The following CAMTA1 variants were observed in gnomAD, a reference collection of about 807,000 sequenced individuals.
CAMTA1 encodes the protein calmodulin-binding transcription activator 1.
A neutral mutation model predicts 170.9 loss-of-function variants in CAMTA1; 27 were observed. The observed-to-expected ratio is 0.16, with a 90% CI of 0.12 to 0.22. The LOEUF (loss-of-function observed/expected upper bound fraction) is 0.22, where lower values mean the gene tolerates loss of function less well. Ranked by LOEUF, CAMTA1 falls within the 10% of genes least tolerant of loss-of-function variation. The pLI, the probability that CAMTA1 is intolerant of heterozygous loss-of-function variation, is 1.00. For synonymous variants in CAMTA1, 833 were observed against 891.5 expected, an observed-to-expected ratio of 0.93 and a Z score of 1.17; for missense variants, 1,619 against 2,217.2, an observed-to-expected ratio of 0.73 and a Z score of 5.42.
At chr1:6,908,613 C>T (rs1316479181) in intron 3 of CAMTA1, among the ~76,000 whole-genome samples, 1 of 152,204 alleles carries the variant, frequency 6.6e-6, no homozygotes, top group East Asian at 1.9e-4. Context: ...GGATTATAGT[C>T]CTCGTTCCTT....
intron 4 of CAMTA1, among the ~76,000 whole-genome samples, chr1:7,179,147 C>T (rs1651569118): frequency 6.6e-6 from 1 of 152,222 alleles, no homozygotes; most frequent in Non-Finnish European, 1.5e-5. Flanking sequence ...TGGGTTCTGC[C>T]TTGCCCACAG....
At chr1:7,536,339 G>A (rs182680366) in intron 6 of CAMTA1, among the ~76,000 whole-genome samples, 1 of 152,322 alleles carries the variant, frequency 6.6e-6, no homozygotes, top group Admixed American at 6.5e-5. Flanking sequence ...CAGGGTGAGC[G>A]GCAGGGAGGG....
chr1:7,270,950 G>C (rs1330296964), intron 5 of CAMTA1, among the ~76,000 whole-genome samples: 1 of 152,172 alleles, frequency 6.6e-6, no homozygotes, highest in Non-Finnish European at 1.5e-5. Context: ...GAAGAACACA[G>C]ATCTTAAACA....
chr1:7,057,194 G>C lies in CAMTA1; in HGVS notation c.235-34110G>C, dbSNP rs151080931. On this transcript the variant is annotated intron_variant, in intron 3 of 22. Transcript: ENST00000303635. ...CCAAGGTCCTTTTGGGAATTCACCT[G>C]TTTGGAAGATGAATCCTATCTCCAG... Among the ~76,000 whole-genome samples the C allele has an allele frequency of 6.7e-4, 102 of 152,280 alleles. 1 individual carries two copies. The highest frequency in any genetic ancestry group is 2.6e-3 in the Admixed American group (40 of 15,300).
intron 5 of CAMTA1, among the ~76,000 whole-genome samples, chr1:7,406,807 G>A (rs2090329902): frequency 6.6e-6 from 1 of 152,042 alleles, no homozygotes; most frequent in African/African-American, 2.4e-5. Context: ...TGCCCCCACA[G>A]CCCCCCTCCC....
At chr1:7,238,275 C>T (rs1408945348) in intron 4 of CAMTA1, among the ~76,000 whole-genome samples, 8 of 151,784 alleles carry the variant, frequency 5.3e-5, no homozygotes, top group East Asian at 1.9e-4. Context: ...GGATGAGACT[C>T]GGTGGTTTAG....
intron 5 of CAMTA1, among the ~76,000 whole-genome samples, chr1:7,396,288 C>T (rs757266566): frequency 1.3e-5 from 2 of 152,220 alleles, no homozygotes; most frequent in African/African-American, 4.8e-5. Context: ...TCCTCTTCCA[C>T]CATGAGTGGA....
intron 4 of CAMTA1, among the ~76,000 whole-genome samples, chr1:7,225,996 G>C (rs181082535): frequency 9.8e-4 from 149 of 152,302 alleles, no homozygotes; most frequent in African/African-American, 3.5e-3. Context: ...ATGGCCTGGC[G>C]TGTTCAGCCC....
rs768706210 is a variant in CAMTA1, at chr1:7,736,901, TGTG to T, written c.3264-27_3264-25del. 4.5e-5 allele frequency: 70 copies of T among 1,548,318 alleles called. No individual in the cohort carries two copies. The African/African-American group carries it at 8.8e-4, about 20-fold the overall frequency. On this transcript the variant is annotated intron_variant, in intron 13 of 22. Transcript: ENST00000303635. This position sits in a 1 kb window ranked among gnomAD's most constrained non-coding sequence, Gnocchi z 4.5. ...GTTTCCTTTTAACGGTGGTGAATAG[TGTG>T]GTAATTTCTGGTGCTCTCCCTTATA...
At chr1:7,257,080 G>GA (rs760136641) in intron 5 of CAMTA1, among the ~76,000 whole-genome samples, 3 of 150,572 alleles carry the variant, frequency 2.0e-5, no homozygotes, top group Non-Finnish European at 2.9e-5. Flanking sequence ...GCATGGCGGG[G>GA]GCGGGGGTTG....
chr1:7,741,406 A>T (rs1296355121), intron 16 of CAMTA1, among the ~76,000 whole-genome samples: 1 of 152,074 alleles, frequency 6.6e-6, no homozygotes, highest in Non-Finnish European at 1.5e-5. Context: ...TACTAAAAAT[A>T]TAAAAAATTA....
chr1:7,276,292 TATATATATA>T (rs1411344347), intron 5 of CAMTA1, among the ~76,000 whole-genome samples: 18 of 47,812 alleles, frequency 3.8e-4, no homozygotes, highest in Non-Finnish European at 5.2e-4. Flanking sequence ...TATATATATA[TATATATATA>T]TATTTTTTTT....
At chr1:7,256,655 C>T (rs1290558156) in intron 5 of CAMTA1, among the ~76,000 whole-genome samples, 3 of 152,208 alleles carry the variant, frequency 2.0e-5, no homozygotes, top group Non-Finnish European at 2.9e-5. Context: ...TTTTGCTTCT[C>T]CTTCTGTCTT....
intron 3 of CAMTA1, among the ~76,000 whole-genome samples, chr1:6,963,476 C>T (rs906286010): frequency 6.6e-6 from 1 of 152,044 alleles, no homozygotes; most frequent in Non-Finnish European, 1.5e-5. Context: ...GAGCCGTGAC[C>T]TATAAACCCT....
chr1:7,716,752 C>T (rs956052941), intron 11 of CAMTA1, among the ~76,000 whole-genome samples: 8 of 152,120 alleles, frequency 5.3e-5, no homozygotes, highest in African/African-American at 1.7e-4. Flanking sequence ...AATGAGGATC[C>T]AGCAATCCCA....
In CAMTA1 at chr1:7,234,170, C is replaced by T. The variant is rs1459590706; in HGVS notation, c.303-15321C>T. Among the ~76,000 whole-genome samples, 1 of 152,180 alleles carries T rather than the reference C, an allele frequency of 6.6e-6. No individual in the cohort carries two copies. Among genetic ancestry groups the T allele is most frequent in the Non-Finnish European group, 1.5e-5 (1 of 68,030 alleles). The stretch of plus-strand genomic sequence containing the variant: ...ACTTGGGGTGAGCCGCTCTCTCGCC[C>T]CGTCTCCTGCCCCTGCCCTGTTCTT... On this transcript the variant is annotated intron_variant, in intron 4 of 22. Coordinates refer to ENST00000303635, the MANE Select transcript of CAMTA1 (RefSeq NM_015215.4). This position sits in a 1 kb window ranked among gnomAD's most constrained non-coding sequence, Gnocchi z 5.0.
intron 3 of CAMTA1, among the ~76,000 whole-genome samples, chr1:6,947,793 A>G (rs1352709450): frequency 2.0e-5 from 3 of 152,000 alleles, no homozygotes; most frequent in Non-Finnish European, 4.4e-5. Context: ...TTACAGATGG[A>G]ATTATTTTCT....
At chr1:6,955,638 C>T (rs1360718949) in intron 3 of CAMTA1, among the ~76,000 whole-genome samples, 1 of 152,184 alleles carries the variant, frequency 6.6e-6, no homozygotes, top group Non-Finnish European at 1.5e-5. Flanking sequence ...TCAGGTTTCT[C>T]CTGAAGGCCC....
intron 3 of CAMTA1, among the ~76,000 whole-genome samples, chr1:6,852,107 G>T (rs1660621853): frequency 6.6e-6 from 1 of 151,660 alleles, no homozygotes; most frequent in Admixed American, 6.6e-5. Context: ...ATGTAATAGT[G>T]CATCCTTCTC....
Sources: gnomAD v4.1 joint callset for allele counts (sites outside exome capture counted in the v4.1 genomes callset) on GRCh38, gnomAD v4.1.1 for gene constraint, Gnocchi (gnomAD v3.1) non-coding constraint, MANE v1.5 for transcripts, NCBI Gene and HGNC (gene_info 2026-07-23, HGNC 2026-07-21) for gene names.